The following TRIM67 variants were observed in gnomAD, a reference collection of about 807,000 sequenced individuals.
The protein encoded by TRIM67 is tripartite motif-containing protein 67.
A neutral mutation model predicts 71.0 loss-of-function variants in TRIM67; 39 were observed. The ratio of observed to expected loss-of-function variants is 0.55; its 90% CI spans 0.43 to 0.72. The LOEUF is 0.72. Ranked by LOEUF, TRIM67 falls within the 30% of genes least tolerant of loss-of-function variation. TRIM67 has a pLI of 0.00. For missense variants in TRIM67, 973 were observed against 1,079.2 expected (o/e 0.90, Z 1.38); for synonymous variants, 481 against 473.9 (o/e 1.01, Z -0.19).
chr1:231,209,161 C>CATGATGCTGGGCAAGGAT lies in TRIM67; in HGVS notation c.2035_2052dup (p.Met679_Asp684dup). 1 of 1,613,368 alleles carries CATGATGCTGGGCAAGGAT rather than the reference C, an allele frequency of 6.2e-7. No homozygotes were observed. The highest frequency in any genetic ancestry group is 8.5e-7 in the Non-Finnish European group (1 of 1,179,548). On this transcript the variant is annotated inframe_insertion, in exon 8 of 10. Coordinates refer to ENST00000366653, the MANE Select transcript of TRIM67 (RefSeq NM_001004342.5). The surrounding 1 kb of genome is among the most constrained non-coding windows in gnomAD (Gnocchi z 4.1). ...TGGCCAGGGCCAGCGTGGTCAAGGA[C>CATGATGCTGGGCAAGGAT]ATGATGCTGGGCAAGGATGACAAGG...
chr1:231,177,698 A>G (rs1308748121), intron 1 of TRIM67, among the ~76,000 whole-genome samples: 3 of 152,210 alleles, frequency 2.0e-5, no homozygotes, highest in Admixed American at 6.5e-5. Flanking sequence ...TTTTACACCC[A>G]TCAATGTGTC....
At position 231,163,856 on chromosome 1, in the gene TRIM67, C is replaced by A. The variant is rs373033664; in HGVS notation, c.887C>A (p.Thr296Lys). 2 of 1,561,082 alleles carry A rather than the reference C, an allele frequency of 1.3e-6. No individual in the cohort carries two copies. The highest frequency in any genetic ancestry group is 3.8e-5 in the Admixed American group (2 of 52,682). Reference protein sequence around the residue: ...GAGAGATGGSTARKFPTCPEH... With the variant: ...GAGAGATGGSKARKFPTCPEH... ...GGGGCGGGGGCGACTGGGGGCAGCA[C>A]GGCCCGCAAGTTCCCCACGTGTCCC... The change falls in exon 1 of 10, where the codon ACG (threonine) becomes AAG (lysine). Residue 296 changes from threonine (T) to lysine (K), a missense_variant. Coordinates refer to ENST00000366653, the MANE Select transcript of TRIM67 (RefSeq NM_001004342.5).
Position 231,205,528 on chromosome 1 carries a change from C to A in TRIM67, c.1681-1124C>A, listed in dbSNP as rs138013854. Reference sequence around the variant, plus strand: ...ATCACTTGAGGTCAGGAGTTTGAGACCAGCCTGGTCAACATGGTGAAACCC... The same window carrying A: ...ATCACTTGAGGTCAGGAGTTTGAGAACAGCCTGGTCAACATGGTGAAACCC... On this transcript the variant is annotated intron_variant, in intron 6 of 9. Coordinates refer to ENST00000366653, the MANE Select transcript of TRIM67 (RefSeq NM_001004342.5). 4.6e-3 allele frequency among the ~76,000 whole-genome samples: 703 copies of A among 152,194 alleles called. 5 individuals are homozygous for A. Among genetic ancestry groups the A allele is most frequent in the African/African-American group, 0.016 (676 of 41,522 alleles).
At position 231,218,067 on chromosome 1, in the gene TRIM67, C is replaced by T; in HGVS notation, c.*2627C>T. On this transcript the variant is annotated 3_prime_UTR_variant, in exon 10 of 10. Transcript: ENST00000366653. Reference sequence around the variant, plus strand: ...CCTCTCCTGTCTTCAGCACAAAACACCTTCAATGTTCTGACTTCAAAGAGA... The same window carrying T: ...CCTCTCCTGTCTTCAGCACAAAACATCTTCAATGTTCTGACTTCAAAGAGA... The T allele has an allele frequency of 8.8e-7, 1 of 1,130,960 alleles. No homozygotes were observed. Among genetic ancestry groups the T allele is most frequent in the Non-Finnish European group, 1.1e-6 (1 of 907,904 alleles). The allele number at this position is 1,130,960 out of a possible 1,614,324, so 70.1% of individuals were successfully genotyped here.
In TRIM67 at chr1:231,217,868, T is replaced by C. The variant is rs924457108; in HGVS notation, c.*2428T>C. The stretch of plus-strand genomic sequence containing the variant: ...AGGAGGGTAATGCCCTCAAATCCGG[T>C]GGCCTCTTTCAGAAAAAAGTTCCCT... On this transcript the variant is annotated 3_prime_UTR_variant, in exon 10 of 10. Coordinates refer to ENST00000366653, the MANE Select transcript of TRIM67 (RefSeq NM_001004342.5). The C allele has an allele frequency of 7.8e-7, 1 of 1,289,500 alleles. No homozygotes were observed. The highest frequency in any genetic ancestry group is 1.0e-6 in the Non-Finnish European group (1 of 988,772). 79.9% of individuals were successfully genotyped at this position (1,289,500 alleles called of 1,614,324 possible).
chr1:231,215,550 G>A lies in TRIM67; in HGVS notation c.*110G>A, dbSNP rs1197090586. On this transcript the variant is annotated 3_prime_UTR_variant, in exon 10 of 10. Coordinates refer to ENST00000366653, the MANE Select transcript of TRIM67 (RefSeq NM_001004342.5). ...CAAAAGCAGGATATGCAAATCATGGGTGCAACCTGGCAGCGTGGAGTGTCA... is the reference window on the plus strand; with the variant it reads ...CAAAAGCAGGATATGCAAATCATGGATGCAACCTGGCAGCGTGGAGTGTCA... The A allele has an allele frequency of 6.9e-7, 1 of 1,448,194 alleles. No individual in the cohort carries two copies. The highest frequency in any genetic ancestry group is 9.2e-7 in the Non-Finnish European group (1 of 1,092,640). 89.7% of individuals were successfully genotyped at this position (1,448,194 alleles called of 1,614,324 possible). A position where few individuals can be genotyped will look rare whatever the true frequency, so the allele number is the denominator to read the frequency against.
chr1:231,194,951 A>G (rs1410469196), intron 1 of TRIM67, among the ~76,000 whole-genome samples: 1 of 152,044 alleles, frequency 6.6e-6, no homozygotes, highest in East Asian at 1.9e-4. Context: ...GCTGGTCTTG[A>G]ACTCTTGGCC....
chr1:231,169,369 T>TC (rs372984161), intron 1 of TRIM67, among the ~76,000 whole-genome samples: 3,888 of 24,542 alleles, frequency 0.16, 80 homozygotes, highest in East Asian at 0.29. Context: ...TTCTTTTCTC[T>TC]TTTTTTTTTT....
chr1:231,199,441 T>C (rs149373360), intron 3 of TRIM67, among the ~76,000 whole-genome samples: 2 of 152,286 alleles, frequency 1.3e-5, no homozygotes, highest in East Asian at 3.9e-4. Context: ...CTATTCTTGT[T>C]CTCATTTTGC....
intron 8 of TRIM67, among the ~76,000 whole-genome samples, chr1:231,212,667 G>A (rs1683906219): frequency 6.6e-6 from 1 of 152,076 alleles, no homozygotes; most frequent in African/African-American, 2.4e-5. Context: ...AGGCAACGGT[G>A]AGCCATGATT....
In TRIM67 at chr1:231,215,395, G is replaced by A. The variant is rs1683989682; in HGVS notation, c.2307G>A (p.Leu769=). 1 of 1,612,864 alleles carries A rather than the reference G, an allele frequency of 6.2e-7. No individual in the cohort carries two copies. The highest frequency in any genetic ancestry group is 1.1e-5 in the South Asian group (1 of 90,896). ...RNVQVTLHTG[L]EVPTNLGRPK... ...TCCAGGTCACCCTGCACACAGGATT[G>A]GAAGTGCCGACTAACCTGGGGCGGC... The change falls in exon 10 of 10, where the codon TTG becomes TTA. Residue 769 remains leucine, a synonymous_variant. Transcript: ENST00000366653.
chr1:231,203,925 G>A lies in TRIM67; in HGVS notation c.1593G>A (p.Thr531=), dbSNP rs371749809. Residue 531 remains threonine (T), a synonymous_variant, in exon 6 of 10, where the codon ACG becomes ACA. Coordinates refer to ENST00000366653, the MANE Select transcript of TRIM67 (RefSeq NM_001004342.5). ...EKCCTRNNSV[T]LAWRMPPFTH... is the part of the protein sequence containing the mutation. ...GCTGCACCCGTAACAACAGCGTCAC[G>A]CTGGCCTGGAGGATGCCACCCTTCA... 4.9e-5 allele frequency: 79 copies of A among 1,613,838 alleles called. No homozygotes were observed. Among genetic ancestry groups the A allele is most frequent in the African/African-American group, 4.1e-4 (31 of 74,944 alleles).
Position 231,219,389 on chromosome 1 carries a change from A to G in TRIM67, c.*3949A>G. On this transcript the variant is annotated 3_prime_UTR_variant, in exon 10 of 10. Coordinates refer to ENST00000366653, the MANE Select transcript of TRIM67 (RefSeq NM_001004342.5). ...TATGCCAGTGGTTTGTCATGCATGG[A>G]TCTGTAGAGGGACTGTGGCGCTCCG... 1.0e-6 allele frequency: 1 copy of G among 997,482 alleles called. No homozygotes were observed. The highest frequency in any genetic ancestry group is 1.2e-6 in the Non-Finnish European group (1 of 837,796). The allele number at this position is 997,482 out of a possible 1,614,324, so 61.8% of individuals were successfully genotyped here.
At chr1:231,171,810 CAAGT>C (rs1553322124) in intron 1 of TRIM67, among the ~76,000 whole-genome samples, 1 of 152,142 alleles carries the variant, frequency 6.6e-6, no homozygotes, top group Non-Finnish European at 1.5e-5. Context: ...TGCAAAAAAA[CAAGT>C]CTGGGCATGG....
Position 231,216,660 on chromosome 1 carries a change from G to T in TRIM67, c.*1220G>T. Reference sequence around the variant, plus strand: ...GGGGAAGGCAGGAAATAGAAGGGCAGTATCAGGTACCTTGTCTCCCAGCTT... The same window carrying T: ...GGGGAAGGCAGGAAATAGAAGGGCATTATCAGGTACCTTGTCTCCCAGCTT... On this transcript the variant is annotated 3_prime_UTR_variant, in exon 10 of 10. Coordinates refer to ENST00000366653, the MANE Select transcript of TRIM67 (RefSeq NM_001004342.5). 1.0e-6 allele frequency: 1 copy of T among 985,600 alleles called. No homozygotes were observed. Among genetic ancestry groups the T allele is most frequent in the Non-Finnish European group, 1.2e-6 (1 of 830,032 alleles). The allele number at this position is 985,600 out of a possible 1,614,324, so 61.1% of individuals were successfully genotyped here.
Position 231,216,023 on chromosome 1 carries a change from C to T in TRIM67, c.*583C>T. ...AGGATTGATAGAAAGGGACATTAATCATTCATGCTTGACTTTTGCCTCTCT... is the reference window on the plus strand; with the variant it reads ...AGGATTGATAGAAAGGGACATTAATTATTCATGCTTGACTTTTGCCTCTCT... On this transcript the variant is annotated 3_prime_UTR_variant, in exon 10 of 10. Coordinates refer to ENST00000366653, the MANE Select transcript of TRIM67 (RefSeq NM_001004342.5). 1 of 985,548 alleles carries T rather than the reference C, an allele frequency of 1.0e-6. No individual in the cohort carries two copies. The highest frequency in any genetic ancestry group is 1.2e-6 in the Non-Finnish European group (1 of 830,028). The allele number at this position is 985,548 out of a possible 1,614,324, so 61.1% of individuals were successfully genotyped here.
In TRIM67 at chr1:231,200,238, G is replaced by C; in HGVS notation, c.1354G>C (p.Asp452His). 1.2e-6 allele frequency: 2 copies of C among 1,613,170 alleles called. No homozygotes were observed. Among genetic ancestry groups the C allele is most frequent in the Non-Finnish European group, 1.7e-6 (2 of 1,179,266 alleles). ...EYCLEVIKENDPSGFLQISDA... is the reference protein window; with the variant it reads ...EYCLEVIKENHPSGFLQISDA... Reference sequence around the variant, plus strand: ...CTGCCTGGAGGTGATCAAGGAGAACGACCCCTCCGGGTTCTTACAGGTGAG... The same window carrying C: ...CTGCCTGGAGGTGATCAAGGAGAACCACCCCTCCGGGTTCTTACAGGTGAG... The change falls in exon 4 of 10, where the codon GAC becomes CAC. Residue 452 changes from aspartate to histidine, a missense_variant. Coordinates refer to ENST00000366653, the MANE Select transcript of TRIM67 (RefSeq NM_001004342.5).
intron 6 of TRIM67, among the ~76,000 whole-genome samples, chr1:231,205,485 G>C (rs995636334): frequency 2.0e-5 from 3 of 152,142 alleles, no homozygotes; most frequent in African/African-American, 7.2e-5. Flanking sequence ...CAGCACTTTG[G>C]GAGGCCAAGG....
Position 231,163,579 on chromosome 1 carries a change from G to T in TRIM67, c.610G>T (p.Ala204Ser). 1 of 1,515,344 alleles carries T rather than the reference G, an allele frequency of 6.6e-7. No individual in the cohort carries two copies. The highest frequency in any genetic ancestry group is 8.8e-7 in the Non-Finnish European group (1 of 1,137,056). The allele number at this position is 1,515,344 out of a possible 1,614,324, so 93.9% of individuals were successfully genotyped here. Residue 204 changes from alanine (A) to serine (S), a missense_variant, in exon 1 of 10, where the codon GCG (alanine) becomes TCG (serine). By Grantham distance (99) the Ala-to-Ser change is moderately conservative. Transcript: ENST00000366653. ...GAVPGTSAAA[A>S]VAICQLCDRT... ...CGTGCCGGGGACGTCTGCAGCCGCG[G>T]CGGTGGCCATCTGCCAGCTGTGCGA...
Sources: gnomAD v4.1 joint callset for allele counts (sites outside exome capture counted in the v4.1 genomes callset) on GRCh38, gnomAD v4.1.1 for gene constraint, Gnocchi (gnomAD v3.1) non-coding constraint, MANE v1.5 for transcripts, NCBI Gene and HGNC (gene_info 2026-07-23, HGNC 2026-07-21) for gene names.